PPFIA2: variants seen among roughly 807,000 people sequenced by gnomAD.
PPFIA2 encodes PPFI scaffold protein A2.
A neutral mutation model predicts 175.5 loss-of-function variants in PPFIA2; 46 were observed. That is an observed-to-expected ratio of 0.26 (90% CI 0.21 to 0.34). PPFIA2 has a LOEUF of 0.34. Among genes scored for constraint, PPFIA2 ranks in the 10% least tolerant of loss-of-function variants. The pLI is 1.00. For synonymous variants in PPFIA2, 568 were observed against 511.4 expected (o/e 1.11, Z -1.49); for missense variants, 1,179 against 1,506.1 (o/e 0.78, Z 3.60).
chr12:81,648,769 T>C (rs1231007796), intron 4 of PPFIA2, among the ~76,000 whole-genome samples: 1 of 151,946 alleles, frequency 6.6e-6, no homozygotes, highest in African/African-American at 2.4e-5. Flanking sequence ...ATAATGACTC[T>C]ATTATTGGCA....
At chr12:81,592,919 C>A (rs887959299) in intron 4 of PPFIA2, among the ~76,000 whole-genome samples, 1 of 151,816 alleles carries the variant, frequency 6.6e-6, no homozygotes, top group Non-Finnish European at 1.5e-5. Context: ...CCATGCCCAG[C>A]TAATTTTTTT....
At chr12:81,323,633 G>A (rs932675048) in intron 22 of PPFIA2, among the ~76,000 whole-genome samples, 6 of 151,758 alleles carry the variant, frequency 4.0e-5, no homozygotes, top group Non-Finnish European at 5.9e-5. Context: ...TCCAAGAATA[G>A]GCTGTCAACA....
At chr12:81,348,476 G>A (rs1054386406) in intron 17 of PPFIA2, among the ~76,000 whole-genome samples, 8 of 152,106 alleles carry the variant, frequency 5.3e-5, no homozygotes, top group African/African-American at 1.9e-4. Context: ...GGTGGCTCAC[G>A]CCTGTAATCC....
intron 7 of PPFIA2, among the ~76,000 whole-genome samples, chr12:81,408,926 G>T (rs2043406731): frequency 6.6e-6 from 1 of 152,132 alleles, no homozygotes; most frequent in Admixed American, 6.6e-5. Flanking sequence ...TTTAATTGTG[G>T]GTGTTAATAA....
At position 81,279,017 on chromosome 12, in the gene PPFIA2, G is replaced by A. The variant is rs117504902; in HGVS notation, c.3213-1603C>T. On this transcript the variant is annotated intron_variant, in intron 27 of 32. Coordinates refer to ENST00000549396, the MANE Select transcript of PPFIA2 (RefSeq NM_003625.5). Reference sequence around the variant, plus strand: ...TTGAATTGTGTTCCCTAAAATTTACGTGTGGAAGCGCTAATTCTCAGTACT... The same window carrying A: ...TTGAATTGTGTTCCCTAAAATTTACATGTGGAAGCGCTAATTCTCAGTACT... 6.2e-3 allele frequency among the ~76,000 whole-genome samples: 945 copies of A among 152,256 alleles called. 5 individuals are homozygous for A. The highest frequency in any genetic ancestry group is 9.5e-3 in the Non-Finnish European group (649 of 68,016).
intron 5 of PPFIA2, among the ~76,000 whole-genome samples, chr12:81,450,273 C>T (rs1650932797): frequency 1.3e-5 from 2 of 152,174 alleles, no homozygotes; most frequent in African/African-American, 2.4e-5. Context: ...AAAAGTGTTC[C>T]TATTTCTCCA....
chr12:81,524,344 G>A (rs2063501337), intron 4 of PPFIA2, among the ~76,000 whole-genome samples: 1 of 152,228 alleles, frequency 6.6e-6, no homozygotes, highest in Non-Finnish European at 1.5e-5. Context: ...AAGCTGAGAA[G>A]ATGGAGCCTC....
intron 11 of PPFIA2, 151 bp from the exon 12 acceptor site, chr12:81,369,345 G>T: frequency 2.0e-6 from 3 of 1,488,390 alleles, no homozygotes; most frequent in Non-Finnish European, 2.7e-6. Context: ...CAGCTGAACA[G>T]CATTGCTTGA....
At chr12:81,737,935 T>C (rs933429125) in intron 3 of PPFIA2, among the ~76,000 whole-genome samples, 4 of 151,868 alleles carry the variant, frequency 2.6e-5, no homozygotes, top group Non-Finnish European at 5.9e-5. Flanking sequence ...CAGAATGTGA[T>C]GAGGCAGTAT....
At chr12:81,709,516 C>CCACA (rs957443498) in intron 3 of PPFIA2, among the ~76,000 whole-genome samples, 2 of 151,802 alleles carry the variant, frequency 1.3e-5, no homozygotes, top group Admixed American at 1.3e-4. Flanking sequence ...CGCATGCATA[C>CCACA]CACACATACA....
At chr12:81,383,797 G>C (rs1258481702) in intron 9 of PPFIA2, among the ~76,000 whole-genome samples, 1 of 152,022 alleles carries the variant, frequency 6.6e-6, no homozygotes, top group Non-Finnish European at 1.5e-5. Context: ...TGTTATATCT[G>C]ACCCTTGATA....
chr12:81,305,128 GT>G (rs1390550015), intron 22 of PPFIA2, among the ~76,000 whole-genome samples: 1 of 151,964 alleles, frequency 6.6e-6, no homozygotes, highest in Non-Finnish European at 1.5e-5. Flanking sequence ...CCAGCTATGT[GT>G]TTTTTGGCTA....
At position 81,726,964 on chromosome 12, in the gene PPFIA2, T is replaced by A. The variant is rs11114992; in HGVS notation, c.249+27009A>T. Among the ~76,000 whole-genome samples the A allele has an allele frequency of 2.8e-3, 426 of 151,396 alleles. 1 individual carries two copies. The highest frequency in any genetic ancestry group is 9.7e-3 in the African/African-American group (402 of 41,428). ...TTGAAGCTACTTTTTAGCTGGGTCTTAGAATAAAGAAGACATGTGGGACAG... is the reference window on the plus strand; with the variant it reads ...TTGAAGCTACTTTTTAGCTGGGTCTAAGAATAAAGAAGACATGTGGGACAG... On this transcript the variant is annotated intron_variant, in intron 3 of 32. Transcript: ENST00000549396.
At chr12:81,481,889 A>G (rs2058274566) in intron 4 of PPFIA2, among the ~76,000 whole-genome samples, 1 of 152,222 alleles carries the variant, frequency 6.6e-6, no homozygotes, top group African/African-American at 2.4e-5. Context: ...AAATTGATAA[A>G]TGGGAGCTAA....
chr12:81,683,340 GA>G (rs1387668393), intron 3 of PPFIA2, among the ~76,000 whole-genome samples: 3 of 56,054 alleles, frequency 5.4e-5, no homozygotes, highest in East Asian at 7.5e-4. Context: ...CACATAAACT[GA>G]AAAAAATAAT....
intron 7 of PPFIA2, among the ~76,000 whole-genome samples, chr12:81,406,272 C>A (rs1199534124): frequency 2.6e-5 from 4 of 151,516 alleles, no homozygotes; most frequent in Non-Finnish European, 4.4e-5. Context: ...TTTTTTTGGT[C>A]TGTATTTTTA....
intron 4 of PPFIA2, among the ~76,000 whole-genome samples, chr12:81,470,795 G>A (rs916527856): frequency 2.0e-5 from 3 of 152,084 alleles, no homozygotes; most frequent in Non-Finnish European, 2.9e-5. Flanking sequence ...AGATTTCTAA[G>A]TACACAATAC....
intron 7 of PPFIA2, among the ~76,000 whole-genome samples, chr12:81,411,736 G>C (rs2044004813): frequency 6.6e-6 from 1 of 151,964 alleles, no homozygotes; most frequent in Non-Finnish European, 1.5e-5. Flanking sequence ...CCAGGCGTTA[G>C]GGAAACACAA....
chr12:81,298,093 G>A (rs1469443417), intron 23 of PPFIA2: 3 of 151,956 alleles, frequency 2.0e-5, no homozygotes, highest in Admixed American at 6.6e-5. Context: ...AAATAGCAGC[G>A]AACTCTCTGT....
Sources: gnomAD v4.1 joint callset for allele counts (sites outside exome capture counted in the v4.1 genomes callset) on GRCh38, gnomAD v4.1.1 for gene constraint, MANE v1.5 for transcripts, NCBI Gene and HGNC (gene_info 2026-07-23, HGNC 2026-07-21) for gene names.